Variants in VAT1L observed in about 807,000 individuals in gnomAD.
The protein encoded by VAT1L is putative NADPH-dependent quinone oxidoreductase VAT1L.
In VAT1L, 34 loss-of-function variants were observed where a neutral mutation model predicts 44.1. The ratio of observed to expected loss-of-function variants is 0.77; its 90% confidence interval spans 0.59 to 1.03. VAT1L has a LOEUF of 1.03. VAT1L is among the 50% of genes least tolerant of loss of function. The pLI, the probability that VAT1L is intolerant of heterozygous loss-of-function variation, is 0.00. For synonymous variants in VAT1L, 253 were observed against 202.2 expected (o/e 1.25, Z -2.13); for missense variants, 615 against 538.8 (o/e 1.14, Z -1.40).
At chr16:77,816,641 C>T (rs2016359935) in intron 1 of VAT1L, among the ~76,000 whole-genome samples, 3 of 152,060 alleles carry the variant, frequency 2.0e-5, no homozygotes, top group African/African-American at 7.2e-5. Context: ...GACAAAGGGG[C>T]CATCTCTTGA....
intron 7 of VAT1L, among the ~76,000 whole-genome samples, chr16:77,950,885 A>G (rs2018034131): frequency 6.6e-6 from 1 of 152,136 alleles, no homozygotes; most frequent in Non-Finnish European, 1.5e-5. Flanking sequence ...TAATGGATGA[A>G]GGGAAATGTC....
chr16:77,944,493 A>G (rs1208146924), intron 7 of VAT1L, among the ~76,000 whole-genome samples: 1 of 152,160 alleles, frequency 6.6e-6, no homozygotes, highest in African/African-American at 2.4e-5. Flanking sequence ...TCGCTCTTCC[A>G]CTTTTTTAGC....
intron 3 of VAT1L, among the ~76,000 whole-genome samples, chr16:77,832,034 C>G (rs918981579): frequency 1.5e-5 from 2 of 137,286 alleles, no homozygotes; most frequent in Non-Finnish European, 3.0e-5. Flanking sequence ...CACCTTGTTG[C>G]CCAAGCTGGT....
intron 1 of VAT1L, among the ~76,000 whole-genome samples, chr16:77,814,318 GTC>G (rs980964448): frequency 3.3e-5 from 5 of 152,126 alleles, no homozygotes; most frequent in African/African-American, 1.2e-4. Flanking sequence ...CCTAGTCTCC[GTC>G]TCCAAAATAC....
chr16:77,933,321 A>C (rs890659113), intron 7 of VAT1L, among the ~76,000 whole-genome samples: 1 of 152,216 alleles, frequency 6.6e-6, no homozygotes, highest in African/African-American at 2.4e-5. Flanking sequence ...ACTCAAACCC[A>C]TATCTTCCTG....
intron 1 of VAT1L, chr16:77,800,828 C>T (rs1484447248): frequency 6.6e-6 from 1 of 152,026 alleles, no homozygotes; most frequent in Non-Finnish European, 1.5e-5. Context: ...TCATAATAGC[C>T]TTTTGTTCTT....
intron 3 of VAT1L, among the ~76,000 whole-genome samples, chr16:77,848,111 T>C (rs764362553): frequency 4.6e-5 from 7 of 152,184 alleles, no homozygotes; most frequent in Non-Finnish European, 1.0e-4. Flanking sequence ...ATATGAGACA[T>C]ACAAACCTAT....
At chr16:77,880,891 C>T (rs976476568) in intron 6 of VAT1L, among the ~76,000 whole-genome samples, 4 of 152,080 alleles carry the variant, frequency 2.6e-5, no homozygotes, top group Non-Finnish European at 4.4e-5. Context: ...GGAAAATGAG[C>T]TCCAGCTGCA....
intron 1 of VAT1L, among the ~76,000 whole-genome samples, chr16:77,792,419 T>C (rs564326927): frequency 3.9e-5 from 6 of 152,122 alleles, no homozygotes; most frequent in Non-Finnish European, 7.4e-5. Context: ...AGGTGGTTTA[T>C]TGAAAGTGTG....
chr16:77,788,753 C>A lies in VAT1L; in HGVS notation c.71C>A (p.Pro24Gln). 6.4e-7 allele frequency: 1 copy of A among 1,560,528 alleles called. No homozygotes were observed. The highest frequency in any genetic ancestry group is 8.7e-7 in the Non-Finnish European group (1 of 1,152,108). Residue 24 changes from proline (P) to glutamine (Q), a missense_variant, in exon 1 of 9, where the codon CCG becomes CAG. Transcript: ENST00000302536. Reference protein sequence around the residue: ...QMIEKEAGKEPAEGGGGDGSH... With the variant: ...QMIEKEAGKEQAEGGGGDGSH... ...ATCGAGAAGGAGGCAGGCAAGGAGC[C>A]GGCGGAGGGCGGCGGCGGCGACGGC...
chr16:77,898,383 G>A (rs937711253), intron 7 of VAT1L, among the ~76,000 whole-genome samples: 2 of 152,120 alleles, frequency 1.3e-5, no homozygotes, highest in African/African-American at 4.8e-5. Flanking sequence ...GATCAAAAAC[G>A]GGAGATGCCT....
chr16:77,883,577 C>T (rs549764930), intron 6 of VAT1L, among the ~76,000 whole-genome samples: 1 of 152,148 alleles, frequency 6.6e-6, no homozygotes, highest in African/African-American at 2.4e-5. Context: ...TTAGCTGCAT[C>T]CCTGGCTTCC....
chr16:77,824,755 C>CA (rs35200345), intron 2 of VAT1L, among the ~76,000 whole-genome samples: 18,354 of 111,006 alleles, frequency 0.17, 1,300 homozygotes, highest in East Asian at 0.26. Flanking sequence ...GACTCCATCT[C>CA]AAAAAAAAAA....
chr16:77,972,142 C>G (rs1448194222), intron 8 of VAT1L, among the ~76,000 whole-genome samples: 1 of 152,126 alleles, frequency 6.6e-6, no homozygotes, highest in Non-Finnish European at 1.5e-5. Context: ...TCAGTGAGAG[C>G]ATATCAAAAG....
rs184267340 is a variant in VAT1L at position 77,879,323 on chromosome 16, G to A, written c.882+99G>A. 96 of 1,292,580 alleles carry A rather than the reference G, an allele frequency of 7.4e-5. No homozygotes were observed. The East Asian group carries it at 1.1e-3, about 14-fold the overall frequency. 80.1% of individuals were successfully genotyped at this position (1,292,580 alleles called of 1,614,324 possible). On this transcript the variant is annotated intron_variant, in intron 6 of 8. Coordinates refer to ENST00000302536, the MANE Select transcript of VAT1L (RefSeq NM_020927.3). The surrounding 1 kb of genome is among the most constrained non-coding windows in gnomAD (Gnocchi z 4.1). ...TTTGTTTGTTTTGAGACAGCGTCTC[G>A]TTCTGTCACCAGGCTGGAGTGCAAT...
intron 5 of VAT1L, among the ~76,000 whole-genome samples, chr16:77,877,009 C>T (rs1297257591): frequency 1.3e-5 from 2 of 151,922 alleles, no homozygotes. Context: ...TCCTCCTGAG[C>T]GTCCCACTCT....
At chr16:77,883,102 A>T (rs1339948262) in intron 6 of VAT1L, among the ~76,000 whole-genome samples, 1 of 152,186 alleles carries the variant, frequency 6.6e-6, no homozygotes, top group Admixed American at 6.5e-5. Flanking sequence ...AAAATAAAAA[A>T]TTTTCACTTT....
At chr16:77,822,772 C>G (rs1029297928) in intron 2 of VAT1L, among the ~76,000 whole-genome samples, 2 of 152,120 alleles carry the variant, frequency 1.3e-5, no homozygotes, top group Non-Finnish European at 2.9e-5. Flanking sequence ...TTTCTCAAAG[C>G]GAGCAGACCA....
intron 7 of VAT1L, among the ~76,000 whole-genome samples, chr16:77,937,490 CA>C (rs371685119): frequency 4.6e-5 from 7 of 152,162 alleles, no homozygotes; most frequent in Admixed American, 1.3e-4. Context: ...GACTTTCCCC[CA>C]CTACCTCCCT....
Sources: allele counts gnomAD v4.1 joint callset (sites outside exome capture counted in the v4.1 genomes callset), GRCh38; gene constraint gnomAD v4.1.1; non-coding constraint Gnocchi (gnomAD v3.1); transcripts MANE v1.5; gene names NCBI Gene and HGNC (gene_info 2026-07-23, HGNC 2026-07-21).